The following EFR3B variants were observed in gnomAD, a reference collection of about 807,000 sequenced individuals.
The protein encoded by EFR3B is EFR3 homolog B.
In EFR3B, 64 loss-of-function variants were observed where a neutral mutation model predicts 104.7. That is an observed-to-expected ratio of 0.61 (90% confidence interval 0.50 to 0.75). The LOEUF (loss-of-function observed/expected upper bound fraction) is 0.75. Ranked by LOEUF, EFR3B falls within the 30% of genes least tolerant of loss-of-function variation. EFR3B has a pLI of 0.00. For missense variants in EFR3B, 750 were observed against 1,078.5 expected (o/e 0.70, Z 4.27); for synonymous variants, 385 against 417.9 (o/e 0.92, Z 0.96).
Position 25,130,077 on chromosome 2 carries a change from CA to C in EFR3B, c.740del (p.Asn247ThrfsTer94), listed in dbSNP as rs1558613938. On this transcript the variant is annotated frameshift_variant, in exon 7 of 23. Transcript: ENST00000403714. LOFTEE classifies it high-confidence loss of function. The surrounding 1 kb of genome is among the most constrained non-coding windows in gnomAD (Gnocchi z 4.6). ...AGCTGCTGGGCCGGGCTGCCTTTGGCAACATCAAAAACGCCATCAAGCCTGT... is the reference window on the plus strand; with the variant it reads ...AGCTGCTGGGCCGGGCTGCCTTTGGCACATCAAAAACGCCATCAAGCCTGT... The part of the protein sequence containing the change: ...RELLGRAAFG[N>X]IKNAIKPVLI... 6.4e-7 allele frequency: 1 copy of C among 1,551,818 alleles called. No homozygotes were observed. The highest frequency in any genetic ancestry group is 2.0e-5 in the Admixed American group (1 of 51,006).
chr2:25,081,287 A>T, intron 1 of EFR3B: 1 of 1,011,504 alleles, frequency 9.9e-7, no homozygotes, highest in Non-Finnish European at 1.5e-6. Flanking sequence ...TTCCTCGACC[A>T]TCAGCTGAAA....
At chr2:25,121,102 A>G (rs1235076413) in intron 4 of EFR3B, among the ~76,000 whole-genome samples, 1 of 152,070 alleles carries the variant, frequency 6.6e-6, no homozygotes, top group Non-Finnish European at 1.5e-5. Flanking sequence ...GGGTTTCACC[A>G]TGTTGGCCAG....
rs112128936 is a variant in EFR3B, at chr2:25,122,989, A to G, written c.485+1195A>G. ...CTTGCCTTACGGGATACGCTTTTAC[A>G]TACACATACTCCAATTTATAAAAAC... On this transcript the variant is annotated intron_variant, in intron 5 of 22. Coordinates refer to ENST00000403714, the MANE Select transcript of EFR3B (RefSeq NM_014971.2). Among the ~76,000 whole-genome samples, 52 of 152,334 alleles carry G rather than the reference A, an allele frequency of 3.4e-4. 1 individual carries two copies. The highest frequency in any genetic ancestry group is 9.9e-4 in the African/African-American group (41 of 41,570).
chr2:25,154,334 A>G lies in EFR3B; in HGVS notation c.2448A>G (p.Val816=). Residue 816 remains valine, a synonymous_variant, in exon 23 of 23, where the codon GTA becomes GTG. Coordinates refer to ENST00000403714, the MANE Select transcript of EFR3B (RefSeq NM_014971.2). The surrounding 1 kb of genome is among the most constrained non-coding windows in gnomAD (Gnocchi z 4.1). ...AAATGAAGTTTCCCGATCTGTGTGT[A>G]TACTGAATTCCAAGAGCCTGAGCTC... ...VYEMKFPDLC[V]Y 1.3e-6 allele frequency: 2 copies of G among 1,552,152 alleles called. No individual in the cohort carries two copies. The highest frequency in any genetic ancestry group is 1.7e-6 in the Non-Finnish European group (2 of 1,147,068).
Position 25,131,258 on chromosome 2 carries a change from C to T in EFR3B, c.850-110C>T. The T allele has an allele frequency of 9.8e-6, 14 of 1,430,694 alleles. No homozygotes were observed. The highest frequency in any genetic ancestry group is 1.3e-5 in the Non-Finnish European group (14 of 1,072,750). 88.6% of individuals were successfully genotyped at this position (1,430,694 alleles called of 1,614,324 possible). The stretch of plus-strand genomic sequence containing the variant: ...CAGTGCCAACTGCAGTGCCCGGGGC[C>T]TTGGAACGTCCCTTTAGTTTACCCC... On this transcript the variant is annotated intron_variant, in intron 8 of 22. Transcript: ENST00000403714. The surrounding 1 kb of genome is among the most constrained non-coding windows in gnomAD (Gnocchi z 7.6).
intron 5 of EFR3B, 122 bp downstream of exon 5, chr2:25,121,916 T>C: frequency 7.2e-7 from 1 of 1,384,210 alleles, no homozygotes; most frequent in Admixed American, 2.3e-5. Flanking sequence ...TCTGCTCTGA[T>C]GTTGCCGGGC....
rs572786020 is a variant in EFR3B at position 25,047,335 on chromosome 2, C to T, written c.7+5016C>T. Among the ~76,000 whole-genome samples, 155 of 152,146 alleles carry T rather than the reference C, an allele frequency of 1.0e-3. 1 individual carries two copies. The highest frequency in any genetic ancestry group is 3.7e-3 in the African/African-American group (152 of 41,504). On this transcript the variant is annotated intron_variant, in intron 1 of 22. Coordinates refer to ENST00000403714, the MANE Select transcript of EFR3B (RefSeq NM_014971.2). ...GGGTCTGAACCCTAGCTCCGACCCT[C>T]GGGTAATCTTGAACCTGAGCATTTC...
At chr2:25,134,199 G>C (rs1488004148) in intron 12 of EFR3B, among the ~76,000 whole-genome samples, 1 of 123,446 alleles carries the variant, frequency 8.1e-6, no homozygotes, top group Non-Finnish European at 1.7e-5. Flanking sequence ...TTTTTTTTGA[G>C]ATGGAGTTTC....
rs988152956 is a variant in EFR3B, at chr2:25,131,438, C to T, written c.920C>T (p.Thr307Met). 4 of 1,550,630 alleles carry T rather than the reference C, an allele frequency of 2.6e-6. No homozygotes were observed. Among genetic ancestry groups the T allele is most frequent in the Non-Finnish European group, 3.5e-6 (4 of 1,146,874 alleles). ...GACGCCAACAGCCGCAGCGCTGCGA[C>T]GGTGCGCGCGGGCATCGTGGAAGTC... ...HLDANSRSAA[T>M]VRAGIVEVLS... The change falls in exon 9 of 23, where the codon ACG (threonine) becomes ATG (methionine). Residue 307 changes from threonine to methionine, a missense_variant. Coordinates refer to ENST00000403714, the MANE Select transcript of EFR3B (RefSeq NM_014971.2). This position sits in a 1 kb window ranked among gnomAD's most constrained non-coding sequence, Gnocchi z 7.6.
At chr2:25,085,415 G>A (rs1668922424) in intron 1 of EFR3B, among the ~76,000 whole-genome samples, 2 of 152,046 alleles carry the variant, frequency 1.3e-5, no homozygotes, top group Non-Finnish European at 2.9e-5. Context: ...TTTTAAAGTA[G>A]GTAATAAATG....
chr2:25,046,923 G>T (rs1199105998), intron 1 of EFR3B, among the ~76,000 whole-genome samples: 1 of 152,118 alleles, frequency 6.6e-6, no homozygotes, highest in Non-Finnish European at 1.5e-5. Context: ...CAGATCCTAA[G>T]GTTTCTGCAG....
chr2:25,135,567 G>T lies in EFR3B; in HGVS notation c.1412G>T (p.Arg471Leu). ...STALMEDAEI[R>L]LFVLEILISF... ...GCCCTCATGGAGGATGCAGAAATTC[G>T]ACTCTTTGTTCTAGAGATTCTCATC... The change falls in exon 13 of 23, where the codon CGA becomes CTA. Residue 471 changes from arginine to leucine, a missense_variant. Physicochemically the swap from Arg to Leu is moderately radical, Grantham distance 102. Coordinates refer to ENST00000403714, the MANE Select transcript of EFR3B (RefSeq NM_014971.2). 6.4e-7 allele frequency: 1 copy of T among 1,551,930 alleles called. No individual in the cohort carries two copies. The highest frequency in any genetic ancestry group is 8.7e-7 in the Non-Finnish European group (1 of 1,147,054).
intron 11 of EFR3B, among the ~76,000 whole-genome samples, 158 bp from the exon 12 acceptor site, chr2:25,133,225 C>T (rs530175764): frequency 1.3e-5 from 2 of 152,344 alleles, no homozygotes; most frequent in East Asian, 3.9e-4. Context: ...GGGAGCCAGT[C>T]ATCTCTTGGT....
intron 3 of EFR3B, among the ~76,000 whole-genome samples, chr2:25,095,000 A>C (rs1669239028): frequency 6.6e-6 from 1 of 152,086 alleles, no homozygotes; most frequent in African/African-American, 2.4e-5. Flanking sequence ...CATGTTGCCC[A>C]GCCTGGTCTG....
intron 19 of EFR3B, chr2:25,146,133 C>T (rs1561288): frequency 0.29 from 42,761 of 145,872 alleles, 6,692 homozygotes; most frequent in Admixed American, 0.39. Flanking sequence ...ACAAGAAGTA[C>T]GGAGGACACA....
intron 4 of EFR3B, among the ~76,000 whole-genome samples, chr2:25,118,834 A>T (rs181710767): frequency 9.9e-4 from 148 of 150,022 alleles, no homozygotes; most frequent in African/African-American, 3.5e-3. Context: ...ACATCAGGAG[A>T]TGGAGACCAT....
chr2:25,051,638 T>TGTG (rs368027631), intron 1 of EFR3B, among the ~76,000 whole-genome samples: 3 of 108,070 alleles, frequency 2.8e-5, no homozygotes, highest in South Asian at 2.6e-4. Flanking sequence ...TGTGTGTGTG[T>TGTG]TTTTTTTTTT....
chr2:25,076,391 G>C (rs1668634214), intron 1 of EFR3B, among the ~76,000 whole-genome samples: 1 of 152,014 alleles, frequency 6.6e-6, no homozygotes, highest in Non-Finnish European at 1.5e-5. Flanking sequence ...AACAATTACT[G>C]AGTTCTTACT....
intron 3 of EFR3B, among the ~76,000 whole-genome samples, chr2:25,093,690 A>G (rs1048692196): frequency 6.6e-6 from 1 of 151,870 alleles, no homozygotes; most frequent in Non-Finnish European, 1.5e-5. Flanking sequence ...GCGTTTCCAT[A>G]CAGAAGCCCT....
Sources: gnomAD v4.1 joint callset for allele counts (sites outside exome capture counted in the v4.1 genomes callset) on GRCh38, gnomAD v4.1.1 for gene constraint, Gnocchi (gnomAD v3.1) non-coding constraint, MANE v1.5 for transcripts, NCBI Gene and HGNC (gene_info 2026-07-23, HGNC 2026-07-21) for gene names.